Variants in TLL1 observed in about 807,000 individuals in gnomAD.
TLL1 encodes tolloid-like protein 1.
TLL1 carries 49 observed loss-of-function variants against 128.2 expected under a neutral mutation model. The ratio of observed to expected loss-of-function variants is 0.38; its 90% CI spans 0.30 to 0.48. The LOEUF (loss-of-function observed/expected upper bound fraction) is 0.48, where lower values mean the gene tolerates loss of function less well. Among genes scored for constraint, TLL1 ranks in the 20% least tolerant of loss-of-function variants. TLL1 has a pLI of 0.96. For synonymous variants in TLL1, 454 were observed against 418.8 expected, an observed-to-expected ratio of 1.08 and a Z score of -1.03; for missense variants, 1,123 against 1,242.0, an observed-to-expected ratio of 0.90 and a Z score of 1.44.
chr4:166,077,203 T>G (rs952282902), intron 17 of TLL1, among the ~76,000 whole-genome samples: 8 of 148,866 alleles, frequency 5.4e-5, no homozygotes, highest in Non-Finnish European at 1.2e-4. Flanking sequence ...GGAATGATCT[T>G]GTCTAAAATG....
At chr4:165,914,134 C>G (rs140713753) in intron 1 of TLL1, among the ~76,000 whole-genome samples, 1 of 152,084 alleles carries the variant, frequency 6.6e-6, no homozygotes, top group Admixed American at 6.5e-5. Context: ...TTTTCAGGAA[C>G]GCTTACCTAT....
At chr4:166,023,423 T>C (rs1738336442) in intron 8 of TLL1, among the ~76,000 whole-genome samples, 1 of 152,124 alleles carries the variant, frequency 6.6e-6, no homozygotes, top group Admixed American at 6.6e-5. Flanking sequence ...AAAGTTTATG[T>C]CATCTCATCC....
chr4:165,964,130 A>G (rs770748253), intron 1 of TLL1, among the ~76,000 whole-genome samples: 1 of 152,172 alleles, frequency 6.6e-6, no homozygotes, highest in African/African-American at 2.4e-5. Flanking sequence ...GAAAGATACT[A>G]GGAAAGTCAT....
At position 166,043,387 on chromosome 4, in the gene TLL1, T is replaced by C. The variant is rs772924956; in HGVS notation, c.1492T>C (p.Tyr498His). Residue 498 changes from tyrosine to histidine, a missense_variant, in exon 12 of 21, where the codon TAC becomes CAC. By Grantham distance (83) the Tyr-to-His change is moderately conservative (BLOSUM62 2). This residue lies in a region of TLL1 where 634 missense variants were observed against 672.4 expected (regional missense o/e 0.94). Transcript: ENST00000061240. Reference protein sequence around the residue: ...CVWKITVSESYHVGLTFQSFE... With the variant: ...CVWKITVSESHHVGLTFQSFE... ...GTGGAAAATAACAGTGTCTGAGAGC[T>C]ACCACGTCGGGCTGACCTTTCAGTC... 1.9e-6 allele frequency: 3 copies of C among 1,614,152 alleles called. No individual in the cohort carries two copies. Among genetic ancestry groups the C allele is most frequent in the Non-Finnish European group, 2.5e-6 (3 of 1,179,978 alleles).
At chr4:166,089,375 C>T (rs112589317) in intron 18 of TLL1, among the ~76,000 whole-genome samples, 10 of 152,164 alleles carry the variant, frequency 6.6e-5, no homozygotes, top group African/African-American at 2.2e-4. Context: ...TTAGTAGGCC[C>T]TGTCTGTAGA....
intron 16 of TLL1, among the ~76,000 whole-genome samples, chr4:166,072,808 C>A (rs948981672): frequency 4.6e-5 from 7 of 151,924 alleles, no homozygotes; most frequent in African/African-American, 1.7e-4. Flanking sequence ...CATGGCAATC[C>A]AAATAGGTAC....
chr4:166,004,642 G>A (rs1737327107), intron 6 of TLL1, among the ~76,000 whole-genome samples: 1 of 152,094 alleles, frequency 6.6e-6, no homozygotes, highest in African/African-American at 2.4e-5. Flanking sequence ...AAGTATTTCA[G>A]GCGGACAGAA....
intron 1 of TLL1, among the ~76,000 whole-genome samples, chr4:165,945,974 C>T (rs911841983): frequency 1.1e-4 from 16 of 152,122 alleles, no homozygotes; most frequent in African/African-American, 3.6e-4. Context: ...CATAAGAAAA[C>T]AGAAGAGTCA....
chr4:165,884,968 TA>T (rs2110818650), intron 1 of TLL1, among the ~76,000 whole-genome samples: 1 of 152,348 alleles, frequency 6.6e-6, no homozygotes, highest in East Asian at 1.9e-4. Context: ...CATTTGAAGT[TA>T]CCGGGTTCAC....
intron 1 of TLL1, among the ~76,000 whole-genome samples, chr4:165,962,561 T>C (rs893891684): frequency 3.3e-5 from 5 of 152,112 alleles, no homozygotes; most frequent in Non-Finnish European, 5.9e-5. Context: ...CCAGCACTCT[T>C]ATTACTGGGT....
chr4:166,092,660 G>T (rs1741826037), intron 19 of TLL1, among the ~76,000 whole-genome samples: 1 of 152,112 alleles, frequency 6.6e-6, no homozygotes, highest in Non-Finnish European at 1.5e-5. Flanking sequence ...TAGGTTCCAA[G>T]AAGGTAGTGT....
Position 165,874,089 on chromosome 4 carries a change from G to C in TLL1, c.169+16G>C. Reference sequence around the variant, plus strand: ...TGTAAAGCCGGTAAGTGGCTCTCCAGGTTGGGACGGTGGCGCGCCGGGGGC... The same window carrying C: ...TGTAAAGCCGGTAAGTGGCTCTCCACGTTGGGACGGTGGCGCGCCGGGGGC... On this transcript the variant is annotated intron_variant, in intron 1 of 20. Transcript: ENST00000061240. 2.5e-6 allele frequency: 4 copies of C among 1,613,972 alleles called. No homozygotes were observed. Among genetic ancestry groups the C allele is most frequent in the South Asian group, 2.2e-5 (2 of 91,062 alleles).
intron 1 of TLL1, among the ~76,000 whole-genome samples, chr4:165,933,223 A>G (rs773441173): frequency 6.6e-6 from 1 of 151,926 alleles, no homozygotes; most frequent in Non-Finnish European, 1.5e-5. Context: ...TGTCAGATCA[A>G]TCTCCCCCCA....
At chr4:165,909,601 C>A (rs982908390) in intron 1 of TLL1, among the ~76,000 whole-genome samples, 1 of 152,102 alleles carries the variant, frequency 6.6e-6, no homozygotes, top group Non-Finnish European at 1.5e-5. Flanking sequence ...GAAGTGAGGC[C>A]ACTGAATGTG....
At chr4:166,077,798 T>G in intron 17 of TLL1, 105 bp from the exon 18 acceptor site, 1 of 1,512,644 alleles carries the variant, frequency 6.6e-7, no homozygotes, top group Non-Finnish European at 9.1e-7. Context: ...TAGCTGGTAT[T>G]CAGGAAAATC....
chr4:165,908,304 G>C (rs1412677669), intron 1 of TLL1, among the ~76,000 whole-genome samples: 2 of 152,112 alleles, frequency 1.3e-5, no homozygotes, highest in Non-Finnish European at 2.9e-5. Flanking sequence ...TAAATAGAAG[G>C]ATGGGTCAGG....
chr4:165,935,713 A>G (rs28702870), intron 1 of TLL1, among the ~76,000 whole-genome samples: 4,966 of 152,250 alleles, frequency 0.033, 262 homozygotes, highest in African/African-American at 0.11. Flanking sequence ...CCTACACACT[A>G]TAGTTTAGTC....
At chr4:165,939,249 C>T (rs186551380) in intron 1 of TLL1, among the ~76,000 whole-genome samples, 100 of 152,090 alleles carry the variant, frequency 6.6e-4, no homozygotes, top group African/African-American at 2.2e-3. Flanking sequence ...AAATAGCCAC[C>T]AATGTCCTTC....
chr4:166,010,917 T>A (rs1737663972), intron 7 of TLL1, among the ~76,000 whole-genome samples: 1 of 151,256 alleles, frequency 6.6e-6, no homozygotes, highest in African/African-American at 2.4e-5. Flanking sequence ...ATTTCCTAAT[T>A]GAGGAATCTT....
Sources: allele counts gnomAD v4.1 joint callset (sites outside exome capture counted in the v4.1 genomes callset), GRCh38; gene constraint gnomAD v4.1.1; regional missense constraint gnomAD v4.1.1; transcripts MANE v1.5; gene names NCBI Gene and HGNC (gene_info 2026-07-23, HGNC 2026-07-21).